CLVS2: variants seen among roughly 807,000 people sequenced by gnomAD.
The protein encoded by CLVS2 is clavesin 2.
Under a neutral mutation model 29.0 loss-of-function variants are expected in CLVS2, and 19 were observed. The ratio of observed to expected loss-of-function variants is 0.66; its 90% CI spans 0.46 to 0.96. CLVS2 has a LOEUF of 0.96. Ranked by LOEUF, CLVS2 falls within the 40% of genes least tolerant of loss-of-function variation. The probability of loss-of-function intolerance (pLI) is 0.00; values close to 1 mark genes in which losing one functional copy is unlikely to be tolerated. For synonymous variants in CLVS2, 161 were observed against 151.3 expected, an observed-to-expected ratio of 1.06 and a Z score of -0.47; for missense variants, 294 against 404.1, an observed-to-expected ratio of 0.73 and a Z score of 2.34.
chr6:123,054,277 G>C (rs145077279), intron 4 of CLVS2, among the ~76,000 whole-genome samples: 1 of 152,116 alleles, frequency 6.6e-6, no homozygotes, highest in South Asian at 2.1e-4. Flanking sequence ...GAACACAGGG[G>C]TGCACATGTG....
chr6:123,059,397 T>C (rs902912652), intron 5 of CLVS2, among the ~76,000 whole-genome samples: 2 of 152,238 alleles, frequency 1.3e-5, no homozygotes, highest in Non-Finnish European at 2.9e-5. Flanking sequence ...ATATTGTCTA[T>C]GTTTACCTTA....
chr6:123,060,965 A>G (rs1271696067), intron 5 of CLVS2, among the ~76,000 whole-genome samples: 1 of 152,224 alleles, frequency 6.6e-6, no homozygotes, highest in Non-Finnish European at 1.5e-5. Flanking sequence ...CAAGAAAGAA[A>G]GAAAAGTTAT....
At chr6:123,017,500 A>G (rs2114316183) in intron 3 of CLVS2, among the ~76,000 whole-genome samples, 1 of 152,230 alleles carries the variant, frequency 6.6e-6, no homozygotes, top group South Asian at 2.1e-4. Context: ...GTGTAAAAAA[A>G]GTGACATTTT....
intron 2 of CLVS2, among the ~76,000 whole-genome samples, chr6:123,002,746 C>A (rs1378233628): frequency 6.6e-6 from 1 of 152,064 alleles, no homozygotes; most frequent in East Asian, 1.9e-4. Flanking sequence ...TTCAAGAATT[C>A]TTTTCTCAGT....
At chr6:123,039,235 C>T (rs569493347) in intron 3 of CLVS2, among the ~76,000 whole-genome samples, 26 of 152,230 alleles carry the variant, frequency 1.7e-4, no homozygotes, top group Non-Finnish European at 2.5e-4. Flanking sequence ...TGTGTGTTAT[C>T]TAAAGTAGCT....
chr6:123,005,806 C>G (rs1386047096), intron 2 of CLVS2, among the ~76,000 whole-genome samples: 2 of 152,100 alleles, frequency 1.3e-5, no homozygotes, highest in Admixed American at 6.5e-5. Context: ...GGTCCAGGAG[C>G]ATGTTTTGTA....
intron 2 of CLVS2, among the ~76,000 whole-genome samples, chr6:123,008,268 A>G (rs892947542): frequency 6.6e-6 from 1 of 152,138 alleles, no homozygotes; most frequent in African/African-American, 2.4e-5. Flanking sequence ...TGAATTCAAA[A>G]AAGGTGGTTA....
At chr6:123,004,171 G>A (rs750166260) in intron 2 of CLVS2, among the ~76,000 whole-genome samples, 2 of 152,182 alleles carry the variant, frequency 1.3e-5, no homozygotes, top group Non-Finnish European at 2.9e-5. Flanking sequence ...TTTGCTTAGA[G>A]TACTTGGCCC....
Position 123,015,719 on chromosome 6 carries a change from CT to C in CLVS2, c.564+4566del, listed in dbSNP as rs1774821802. Among the ~76,000 whole-genome samples, 5 of 152,040 alleles carry C rather than the reference CT, an allele frequency of 3.3e-5. No individual in the cohort carries two copies. The South Asian group carries it at 8.3e-4, about 25-fold the overall frequency. On this transcript the variant is annotated intron_variant, in intron 3 of 5. Coordinates refer to ENST00000275162, the MANE Select transcript of CLVS2 (RefSeq NM_001010852.4). ...CAAATGGCTGGCCTGTGGCTTTGGA[CT>C]TTTTTGACACCGCATGGCAGAACCA...
chr6:123,072,649 C>T lies in CLVS2; in HGVS notation c.*8888C>T, dbSNP rs1772967027. The stretch of plus-strand genomic sequence containing the variant: ...AGTTCAAGCTCAAGTATACACAGCA[C>T]ATGAAAGATCCTATAGTTCATGTTC... On this transcript the variant is annotated 3_prime_UTR_variant, in exon 6 of 6. Coordinates refer to ENST00000275162, the MANE Select transcript of CLVS2 (RefSeq NM_001010852.4). 6.6e-6 allele frequency: 1 copy of T among 152,052 alleles called. No homozygotes were observed. Among genetic ancestry groups the T allele is most frequent in the Non-Finnish European group, 1.5e-5 (1 of 67,970 alleles). 9.4% of individuals were successfully genotyped at this position (152,052 alleles called of 1,614,324 possible).
At chr6:123,028,388 G>A (rs1294993581) in intron 3 of CLVS2, among the ~76,000 whole-genome samples, 1 of 152,122 alleles carries the variant, frequency 6.6e-6, no homozygotes, top group African/African-American at 2.4e-5. Context: ...TTCCAGGCAC[G>A]GTGGCTCATG....
rs988063303 is a variant in CLVS2, at chr6:123,064,648, ATTG to A, written c.*892_*894del. The A allele has an allele frequency of 2.0e-5, 3 of 151,516 alleles. No individual in the cohort carries two copies. The highest frequency in any genetic ancestry group is 4.4e-5 in the Non-Finnish European group (3 of 67,818). The allele number at this position is 151,516 out of a possible 1,614,324, so 9.4% of individuals were successfully genotyped here. On this transcript the variant is annotated 3_prime_UTR_variant, in exon 6 of 6. Coordinates refer to ENST00000275162, the MANE Select transcript of CLVS2 (RefSeq NM_001010852.4). ...CTTACAGATGAGGGGCTAATTTCTA[ATTG>A]TTGTGCACTGGTTAAAAAGTATATA...
At chr6:123,055,511 T>C (rs1273142855) in intron 4 of CLVS2, among the ~76,000 whole-genome samples, 1 of 152,148 alleles carries the variant, frequency 6.6e-6, no homozygotes, top group African/African-American at 2.4e-5. Flanking sequence ...ATTCTGCCCA[T>C]GTCCCTGCCT....
chr6:123,058,452 G>A (rs961085733), intron 5 of CLVS2, among the ~76,000 whole-genome samples: 2 of 152,040 alleles, frequency 1.3e-5, no homozygotes, highest in African/African-American at 2.4e-5. Context: ...GGCCCATCAC[G>A]TGAGCACATT....
rs977723513 is a variant in CLVS2, at chr6:122,996,524, C to G, written c.-782C>G. The G allele has an allele frequency of 1.3e-5, 2 of 152,808 alleles. No homozygotes were observed. Among genetic ancestry groups the G allele is most frequent in the Non-Finnish European group, 2.9e-5 (2 of 68,180 alleles). 9.5% of individuals were successfully genotyped at this position (152,808 alleles called of 1,614,324 possible). A position where few individuals can be genotyped will look rare whatever the true frequency, so the allele number is the denominator to read the frequency against. ...GGCCCTAGCCCTGCGATCCTCACCCCTCCTGCTAGGAGAGGCTGCGGGCTG... is the reference window on the plus strand; with the variant it reads ...GGCCCTAGCCCTGCGATCCTCACCCGTCCTGCTAGGAGAGGCTGCGGGCTG... On this transcript the variant is annotated 5_prime_UTR_variant, in exon 1 of 6. Coordinates refer to ENST00000275162, the MANE Select transcript of CLVS2 (RefSeq NM_001010852.4).
rs1774538383 is a variant in CLVS2, at chr6:122,998,089, C to T, written c.312C>T (p.Phe104=). The part of the protein sequence containing the change: ...PGIKQALKDG[F]PGGLANLDHY... ...TCAAGCAGGCACTGAAGGATGGCTTCCCTGGGGGCCTGGCCAATCTGGACC... is the reference window on the plus strand; with the variant it reads ...TCAAGCAGGCACTGAAGGATGGCTTTCCTGGGGGCCTGGCCAATCTGGACC... The change falls in exon 2 of 6, where the codon TTC becomes TTT. Residue 104 remains phenylalanine (F), a synonymous_variant. Transcript: ENST00000275162. The T allele has an allele frequency of 6.2e-7, 1 of 1,614,122 alleles. No homozygotes were observed. Among genetic ancestry groups the T allele is most frequent in the East Asian group, 2.2e-5 (1 of 44,866 alleles).
Position 122,997,703 on chromosome 6 carries a change from T to C in CLVS2, c.-75T>C. On this transcript the variant is annotated 5_prime_UTR_variant, in exon 2 of 6. Coordinates refer to ENST00000275162, the MANE Select transcript of CLVS2 (RefSeq NM_001010852.4). ...AGGAGGTCTGGGGGCTGGAGTCTGG[T>C]GGTGGCAAGGACCAGGTTTGCTTTG... 1 of 1,465,668 alleles carries C rather than the reference T, an allele frequency of 6.8e-7. No individual in the cohort carries two copies. Among genetic ancestry groups the C allele is most frequent in the Non-Finnish European group, 9.3e-7 (1 of 1,070,352 alleles). 90.8% of individuals were successfully genotyped at this position (1,465,668 alleles called of 1,614,324 possible). A position where few individuals can be genotyped will look rare whatever the true frequency, so the allele number is the denominator to read the frequency against.
chr6:123,038,983 A>G (rs1014149254), intron 3 of CLVS2, among the ~76,000 whole-genome samples: 4 of 152,190 alleles, frequency 2.6e-5, no homozygotes, highest in African/African-American at 4.8e-5. Context: ...TTACCAGTGT[A>G]TGGCCCCTCC....
intron 5 of CLVS2, among the ~76,000 whole-genome samples, chr6:123,060,309 T>C (rs951541546): frequency 6.6e-6 from 1 of 152,210 alleles, no homozygotes; most frequent in Non-Finnish European, 1.5e-5. Flanking sequence ...GACTAAGTAT[T>C]TTAGAACTGG....
Sources: gnomAD v4.1 joint callset for allele counts (sites outside exome capture counted in the v4.1 genomes callset) on GRCh38, gnomAD v4.1.1 for gene constraint, MANE v1.5 for transcripts, NCBI Gene and HGNC (gene_info 2026-07-23, HGNC 2026-07-21) for gene names.